XYLB: variants seen among roughly 807,000 people sequenced by gnomAD.
XYLB encodes xylulose kinase.
Under a neutral mutation model 78.7 loss-of-function variants are expected in XYLB, and 62 were observed. The ratio of observed to expected loss-of-function variants is 0.79; its 90% CI spans 0.64 to 0.97. The LOEUF is 0.97. Among genes scored for constraint, XYLB ranks in the 50% least tolerant of loss-of-function variants. The probability of loss-of-function intolerance (pLI) is 0.00; values close to 1 mark genes in which losing one functional copy is unlikely to be tolerated. For missense variants in XYLB, 687 were observed against 676.8 expected, an observed-to-expected ratio of 1.02 and a Z score of -0.17; for synonymous variants, 245 against 247.4, an observed-to-expected ratio of 0.99 and a Z score of 0.09.
the XYLB span, among the ~76,000 whole-genome samples, chr3:38,429,026 G>T: frequency 6.6e-6 from 1 of 152,174 alleles, no homozygotes; most frequent in South Asian, 2.1e-4. Context: ...TTCAGGGATT[G>T]CCACGATTGC....
At chr3:38,440,585 T>C in the XYLB span, among the ~76,000 whole-genome samples, 101 of 152,336 alleles carry the variant, frequency 6.6e-4, no homozygotes, top group Non-Finnish European at 1.2e-3. Context: ...TTAGATCTCC[T>C]GTCAGGAAAC....
At position 38,362,990 on chromosome 3, in the gene XYLB, A is replaced by G; in HGVS notation, c.264A>G (p.Gln88=). ...AGGCTTCGGGCTTCGACTTCTCTCA[A>G]GTCCTAGCCTTGTCCGGGGCGGGCC... ...KMKASGFDFS[Q]VLALSGAGQQ... The change falls in exon 4 of 19, where the codon CAA becomes CAG. Residue 88 remains glutamine, a synonymous_variant. Transcript: ENST00000207870. 1.3e-6 allele frequency: 2 copies of G among 1,573,800 alleles called. No homozygotes were observed. Among genetic ancestry groups the G allele is most frequent in the Middle Eastern group, 1.7e-4 (1 of 5,946 alleles).
chr3:38,351,132 A>C (rs2669606), intron 2 of XYLB, among the ~76,000 whole-genome samples: 4 of 135,556 alleles, frequency 3.0e-5, no homozygotes, highest in Admixed American at 2.5e-4. Context: ...AGATCGCGCC[A>C]CTGCACTCCA....
chr3:38,365,579 T>A, intron 5 of XYLB, 29 bp from the exon 6 acceptor site: 1 of 1,595,590 alleles, frequency 6.3e-7, no homozygotes, highest in South Asian at 1.1e-5. Context: ...GGATGGAGCT[T>A]AAGCCTGTGC....
At chr3:38,404,582 C>T (rs13088915) in intron 18 of XYLB, among the ~76,000 whole-genome samples, 63,794 of 152,008 alleles carry the variant, frequency 0.42, 15,707 homozygotes, top group Non-Finnish European at 0.56. Context: ...TTTCGGAGGC[C>T]GAGGCGGATG....
intron 18 of XYLB, among the ~76,000 whole-genome samples, chr3:38,409,329 T>C (rs1708473287): frequency 1.3e-5 from 2 of 152,162 alleles, no homozygotes; most frequent in African/African-American, 4.8e-5. Flanking sequence ...TTTGACAAAA[T>C]TCAACAATGC....
chr3:38,351,199 A>AAAAAAAAAAAAAAAAAAAAAAAAAAAAT (rs1705345997), intron 2 of XYLB, among the ~76,000 whole-genome samples: 1 of 146,342 alleles, frequency 6.8e-6, no homozygotes, highest in Admixed American at 6.9e-5. Context: ...AAAAAAAAAA[A>AAAAAAAAAAAAAAAAAAAAAAAAAAAAT]GGAAGTCTGG....
intron 10 of XYLB, 134 bp downstream of exon 10, chr3:38,372,870 T>G: frequency 1.0e-6 from 1 of 985,524 alleles, no homozygotes; most frequent in Non-Finnish European, 1.6e-6. Flanking sequence ...GCTGGATGTT[T>G]GAGAATTCCA....
intron 10 of XYLB, 82 bp from the exon 11 acceptor site, chr3:38,374,380 C>T (rs1258790609): frequency 1.7e-5 from 27 of 1,602,254 alleles, no homozygotes; most frequent in Admixed American, 5.1e-5. Flanking sequence ...GGGGGCTCTG[C>T]GCCTGCCTGG....
chr3:38,378,579 A>G (rs1369610931), intron 14 of XYLB, among the ~76,000 whole-genome samples: 1 of 152,104 alleles, frequency 6.6e-6, no homozygotes, highest in Non-Finnish European at 1.5e-5. Flanking sequence ...ACCTGAAAGT[A>G]CTCAGGATCT....
Position 38,385,032 on chromosome 3 carries a change from A to G in XYLB, c.1291+5690A>G, listed in dbSNP as rs565383920. ...TGTTCTTGTTTTGAGACAGAGTCTC[A>G]CTCTGTCACCCAGGCTGGAGTGCAG... On this transcript the variant is annotated intron_variant, in intron 15 of 18. Coordinates refer to ENST00000207870, the MANE Select transcript of XYLB (RefSeq NM_005108.4). Among the ~76,000 whole-genome samples the G allele has an allele frequency of 2.0e-3, 301 of 151,910 alleles. 12 individuals carry two copies. In the South Asian group the frequency reaches 0.061, roughly 31 times the overall value.
intron 18 of XYLB, among the ~76,000 whole-genome samples, chr3:38,411,143 A>G (rs1398130340): frequency 6.6e-6 from 1 of 152,236 alleles, no homozygotes; most frequent in Non-Finnish European, 1.5e-5. Flanking sequence ...AATGTCTACA[A>G]TGATAGACTA....
At chr3:38,445,670 C>G in the XYLB span, among the ~76,000 whole-genome samples, 1 of 152,172 alleles carries the variant, frequency 6.6e-6, no homozygotes, top group Non-Finnish European at 1.5e-5. Context: ...TGGGTCAGCC[C>G]AGATGTACAG....
intron 6 of XYLB, among the ~76,000 whole-genome samples, 193 bp from the exon 7 acceptor site, chr3:38,366,615 G>A (rs548955989): frequency 1.3e-5 from 2 of 152,328 alleles, no homozygotes; most frequent in South Asian, 4.1e-4. Context: ...GGGCTCCAGA[G>A]TTCCTCTCGC....
chr3:38,409,842 C>T (rs958552609), intron 18 of XYLB, among the ~76,000 whole-genome samples: 1 of 152,152 alleles, frequency 6.6e-6, no homozygotes, highest in Non-Finnish European at 1.5e-5. Context: ...TGAAGGACCT[C>T]TTCAAGGAGA....
chr3:38,451,731 C>T, the XYLB span: 1 of 152,208 alleles, frequency 6.6e-6, no homozygotes, highest in African/African-American at 2.4e-5. Context: ...TTGCTTATGC[C>T]ATTGATTCAG....
intron 17 of XYLB, among the ~76,000 whole-genome samples, chr3:38,399,932 CTT>C (rs1209470330): frequency 2.6e-5 from 4 of 152,172 alleles, no homozygotes; most frequent in African/African-American, 9.7e-5. Flanking sequence ...GAACCAGAGT[CTT>C]TTGATTAGTT....
the XYLB span, among the ~76,000 whole-genome samples, chr3:38,427,333 C>T: frequency 6.6e-6 from 1 of 152,314 alleles, no homozygotes; most frequent in Non-Finnish European, 1.5e-5. Context: ...AGCCACTGCA[C>T]CTGGCCACAA....
At chr3:38,370,366 G>T in intron 9 of XYLB, 192 bp downstream of exon 9, 1 of 551,866 alleles carries the variant, frequency 1.8e-6, no homozygotes, top group Non-Finnish European at 3.2e-6. Flanking sequence ...TCAGTGCCTT[G>T]CACACAGTAG....
Sources: allele counts gnomAD v4.1 joint callset (sites outside exome capture counted in the v4.1 genomes callset), GRCh38; gene constraint gnomAD v4.1.1; transcripts MANE v1.5; gene names NCBI Gene and HGNC (gene_info 2026-07-23, HGNC 2026-07-21).